Variants in FAM184B observed in about 807,000 individuals in gnomAD.
FAM184B encodes protein FAM184B.
FAM184B carries 111 observed loss-of-function variants against 135.9 expected under a neutral mutation model. The observed-to-expected ratio is 0.82, with a 90% CI of 0.70 to 0.96. The LOEUF is 0.96. Among genes scored for constraint, FAM184B ranks in the 40% least tolerant of loss-of-function variants. The pLI is 0.00. For synonymous variants in FAM184B, 552 were observed against 524.8 expected (o/e 1.05, Z -0.71); for missense variants, 1,375 against 1,323.9 (o/e 1.04, Z -0.60).
At chr4:17,740,318 C>T (rs1188471577) in intron 1 of FAM184B, among the ~76,000 whole-genome samples, 2 of 138,370 alleles carry the variant, frequency 1.4e-5, no homozygotes, top group Non-Finnish European at 3.0e-5. Context: ...CGCTACTGCA[C>T]TCCAGCCTGG....
intron 7 of FAM184B, among the ~76,000 whole-genome samples, chr4:17,687,067 G>A (rs529456755): frequency 1.3e-5 from 2 of 152,316 alleles, no homozygotes; most frequent in South Asian, 4.1e-4. Flanking sequence ...TTGCCCTGGT[G>A]AATATGTGGT....
chr4:17,736,339 T>A (rs1167974940), intron 1 of FAM184B, among the ~76,000 whole-genome samples: 1 of 152,210 alleles, frequency 6.6e-6, no homozygotes, highest in Non-Finnish European at 1.5e-5. Flanking sequence ...ATTCTGTGAT[T>A]GGTAGGGACT....
chr4:17,641,985 A>G lies in FAM184B; in HGVS notation c.2519+71T>C, dbSNP rs1715330302. 33 of 1,203,898 alleles carry G rather than the reference A, an allele frequency of 2.7e-5. No individual in the cohort carries two copies. In the South Asian group the frequency reaches 4.8e-4, roughly 17 times the overall value. 74.6% of individuals were successfully genotyped at this position (1,203,898 alleles called of 1,614,324 possible). ...TCAGGTCTCAGGCTCAGCCAGCCGC[A>G]GTAGGGGGAGGGGGGGTGGCGGGGT... On this transcript the variant is annotated intron_variant, in intron 13 of 17. Coordinates refer to ENST00000265018, the MANE Select transcript of FAM184B (RefSeq NM_015688.2).
intron 6 of FAM184B, among the ~76,000 whole-genome samples, chr4:17,688,948 C>A (rs1661299562): frequency 1.3e-5 from 2 of 152,124 alleles, no homozygotes; most frequent in Admixed American, 1.3e-4. Context: ...CTGCCTCGGC[C>A]TCCAAAAGGG....
intron 6 of FAM184B, among the ~76,000 whole-genome samples, chr4:17,692,410 T>C (rs1192868837): frequency 6.6e-6 from 1 of 152,188 alleles, no homozygotes; most frequent in Non-Finnish European, 1.5e-5. Flanking sequence ...TTTAAAATAA[T>C]GATTTTAGAA....
At chr4:17,746,274 C>G (rs1324633137) in intron 1 of FAM184B, among the ~76,000 whole-genome samples, 4 of 151,292 alleles carry the variant, frequency 2.6e-5, no homozygotes, top group African/African-American at 9.7e-5. Context: ...AAAAAACTTT[C>G]CTGTTGGTGA....
At chr4:17,701,625 C>A (rs1231921268) in intron 5 of FAM184B, among the ~76,000 whole-genome samples, 2 of 152,192 alleles carry the variant, frequency 1.3e-5, no homozygotes, top group African/African-American at 4.8e-5. Flanking sequence ...ACTGAAGCTT[C>A]CCAGTCAGGC....
At chr4:17,708,213 C>T (rs774487298) in intron 2 of FAM184B, among the ~76,000 whole-genome samples, 2 of 152,164 alleles carry the variant, frequency 1.3e-5, no homozygotes, top group African/African-American at 2.4e-5. Context: ...TAGGCTAGTC[C>T]TTACGCCTCT....
chr4:17,743,163 C>T (rs903441650), intron 1 of FAM184B, among the ~76,000 whole-genome samples: 1 of 152,178 alleles, frequency 6.6e-6, no homozygotes, highest in East Asian at 1.9e-4. Context: ...CCTGTCTCAT[C>T]GAGACCCTGT....
intron 1 of FAM184B, among the ~76,000 whole-genome samples, chr4:17,752,667 A>G (rs577665602): frequency 6.6e-6 from 1 of 152,274 alleles, no homozygotes; most frequent in Admixed American, 6.5e-5. Context: ...CTACTGCACA[A>G]AATTTGTATA....
intron 5 of FAM184B, among the ~76,000 whole-genome samples, chr4:17,695,408 C>T (rs1716833315): frequency 6.6e-6 from 1 of 152,146 alleles, no homozygotes; most frequent in Admixed American, 6.5e-5. Context: ...TCCAGCGATC[C>T]TCCCACTTTC....
chr4:17,722,623 T>A (rs1717555016), intron 1 of FAM184B, among the ~76,000 whole-genome samples: 1 of 152,106 alleles, frequency 6.6e-6, no homozygotes, highest in Admixed American at 6.6e-5. Context: ...GAGGGTGGGC[T>A]CCCAGGAAGG....
At chr4:17,701,836 A>G (rs138557562) in intron 5 of FAM184B, among the ~76,000 whole-genome samples, 5 of 152,320 alleles carry the variant, frequency 3.3e-5, no homozygotes, top group Non-Finnish European at 5.9e-5. Flanking sequence ...GATTTCTCAG[A>G]CACTATGCTC....
intron 12 of FAM184B, among the ~76,000 whole-genome samples, chr4:17,643,008 C>A (rs970289220): frequency 2.0e-5 from 3 of 152,242 alleles, no homozygotes; most frequent in Non-Finnish European, 4.4e-5. Context: ...TGGCCCAGGC[C>A]CCATGTCTCT....
chr4:17,647,871 T>C (rs6813374), intron 11 of FAM184B, 80 bp from the exon 12 acceptor site: 788,865 of 1,363,348 alleles, frequency 0.58, 231,904 homozygotes, highest in East Asian at 0.89. Context: ...GTCTCTGGGG[T>C]GGGGTTGGAT....
intron 1 of FAM184B, among the ~76,000 whole-genome samples, chr4:17,742,904 C>T (rs1718076009): frequency 6.6e-6 from 1 of 152,244 alleles, no homozygotes; most frequent in Admixed American, 6.5e-5. Flanking sequence ...CTCCACTGAG[C>T]TGGTTGGCAC....
intron 7 of FAM184B, among the ~76,000 whole-genome samples, chr4:17,683,086 A>T (rs565580146): frequency 9.8e-5 from 15 of 152,298 alleles, no homozygotes; most frequent in African/African-American, 3.6e-4. Flanking sequence ...CTCACACCTC[A>T]TCTAGACCTA....
chr4:17,777,256 G>T (rs768579215), intron 1 of FAM184B, among the ~76,000 whole-genome samples: 1 of 152,174 alleles, frequency 6.6e-6, no homozygotes, highest in African/African-American at 2.4e-5. Flanking sequence ...TTATTATATG[G>T]TTTCATTTAG....
At chr4:17,670,217 T>C (rs1404846191) in intron 7 of FAM184B, among the ~76,000 whole-genome samples, 1 of 152,050 alleles carries the variant, frequency 6.6e-6, no homozygotes, top group East Asian at 1.9e-4. Flanking sequence ...TTAGAAAACA[T>C]TCAAGAATTT....
Sources: allele counts gnomAD v4.1 joint callset (sites outside exome capture counted in the v4.1 genomes callset), GRCh38; gene constraint gnomAD v4.1.1; transcripts MANE v1.5; gene names NCBI Gene and HGNC (gene_info 2026-07-23, HGNC 2026-07-21).